Variants in CPEB2 observed in about 807,000 individuals in gnomAD.
The protein encoded by CPEB2 is cytoplasmic polyadenylation element-binding protein 2.
A neutral mutation model predicts 93.6 loss-of-function variants in CPEB2; 56 were observed. The ratio of observed to expected loss-of-function variants is 0.60; its 90% CI spans 0.48 to 0.75. The LOEUF (loss-of-function observed/expected upper bound fraction) is 0.75, where lower values mean the gene tolerates loss of function less well. CPEB2 is among the 30% of genes least tolerant of loss of function. The pLI is 0.00. For missense variants in CPEB2, 1,579 were observed against 1,395.1 expected (o/e 1.13, Z -2.10); for synonymous variants, 764 against 586.3 (o/e 1.30, Z -4.38).
At position 15,053,707 on chromosome 4, in the gene CPEB2, G is replaced by A. The variant is rs554087316; in HGVS notation, c.2372-421G>A. Reference sequence around the variant, plus strand: ...GACCCTTGTATATTTTTTCAACATTGTAGTTATTCAAGTCTTGTTTTAGCA... The same window carrying A: ...GACCCTTGTATATTTTTTCAACATTATAGTTATTCAAGTCTTGTTTTAGCA... On this transcript the variant is annotated intron_variant, in intron 7 of 11. Transcript: ENST00000538197. Among the ~76,000 whole-genome samples the A allele has an allele frequency of 2.0e-5, 3 of 152,198 alleles. No homozygotes were observed. In the East Asian group the frequency reaches 5.8e-4, roughly 29 times the overall value.
At chr4:15,059,123 C>T in intron 9 of CPEB2, 64 bp from the exon 10 acceptor site, 5 of 972,718 alleles carry the variant, frequency 5.1e-6, no homozygotes, top group Non-Finnish European at 7.8e-6. Flanking sequence ...CTGGCAAAAA[C>T]AAACAAACAG....
intron 4 of CPEB2, among the ~76,000 whole-genome samples, chr4:15,028,330 A>AT (rs34980018): frequency 0.28 from 41,299 of 149,118 alleles, 6,344 homozygotes; most frequent in Middle Eastern, 0.51. Context: ...TTGTTCTATG[A>AT]TTTTTTTTTT....
At position 15,062,249 on chromosome 4, in the gene CPEB2, A is replaced by C. The variant is rs1317321927; in HGVS notation, c.2866A>C (p.Ile956Leu). ...ARFVQLQHGD[I>L]DKRVEVKPYV... ...GTTTGTTCAGCTTCAGCATGGTGAT[A>C]TTGATAAACGTGTAAGTTGCATATT... Residue 956 changes from isoleucine to leucine, a missense_variant, in exon 11 of 12, where the codon ATT becomes CTT. This residue lies in a region of CPEB2 where 168 missense variants were observed against 339.1 expected (regional missense o/e 0.50). Coordinates refer to ENST00000538197, the MANE Select transcript of CPEB2 (RefSeq NM_001177382.2). 1 of 1,609,334 alleles carries C rather than the reference A, an allele frequency of 6.2e-7. No individual in the cohort carries two copies. Among genetic ancestry groups the C allele is most frequent in the South Asian group, 1.1e-5 (1 of 90,666 alleles).
intron 5 of CPEB2, among the ~76,000 whole-genome samples, chr4:15,036,244 CA>C (rs1481479391): frequency 1.3e-5 from 2 of 151,996 alleles, no homozygotes; most frequent in Non-Finnish European, 2.9e-5. Flanking sequence ...TTAATTTAAA[CA>C]ATAAAAAAAC....
chr4:15,031,333 G>C (rs1279128924), intron 4 of CPEB2, among the ~76,000 whole-genome samples: 1 of 151,146 alleles, frequency 6.6e-6, no homozygotes, highest in African/African-American at 2.4e-5. Flanking sequence ...GCCTTAAACT[G>C]TTCTCCAAAT....
In CPEB2 at chr4:15,003,112, C is replaced by CCCT. The variant is rs765327899; in HGVS notation, c.451_453dup (p.Ser151dup). On this transcript the variant is annotated inframe_insertion, in exon 1 of 12. Transcript: ENST00000538197. ...GGACTTCAAACCGAGTCTGCACCACCCCTCCTCCTCCTCCGCCTCCTCCTG... is the reference window on the plus strand; with the variant it reads ...GGACTTCAAACCGAGTCTGCACCACCCCTCCTCCTCCTCCTCCGCCTCCTCCTG... 13 of 1,533,132 alleles carry CCCT rather than the reference C, an allele frequency of 8.5e-6. No individual in the cohort carries two copies. The highest frequency in any genetic ancestry group is 2.5e-5 in the East Asian group (1 of 40,558). The allele number at this position is 1,533,132 out of a possible 1,614,324, so 95.0% of individuals were successfully genotyped here.
chr4:15,030,372 G>A (rs1476599586), intron 4 of CPEB2, among the ~76,000 whole-genome samples: 5 of 151,910 alleles, frequency 3.3e-5, no homozygotes, highest in African/African-American at 7.2e-5. Flanking sequence ...GTATAACCTT[G>A]GGCAACTTAC....
chr4:15,045,631 A>G (rs1461474801), intron 6 of CPEB2, among the ~76,000 whole-genome samples: 2 of 152,196 alleles, frequency 1.3e-5, no homozygotes, highest in African/African-American at 2.4e-5. Flanking sequence ...ACCTTAAACA[A>G]TGCAAAACTG....
intron 6 of CPEB2, among the ~76,000 whole-genome samples, chr4:15,051,789 G>C (rs1212619228): frequency 6.6e-6 from 1 of 152,226 alleles, no homozygotes; most frequent in Non-Finnish European, 1.5e-5. Flanking sequence ...GATTACTTCA[G>C]AGGATTGTGC....
chr4:15,030,407 G>A (rs1001954773), intron 4 of CPEB2, among the ~76,000 whole-genome samples: 3 of 152,032 alleles, frequency 2.0e-5, no homozygotes, highest in Non-Finnish European at 4.4e-5. Context: ...GTGATATAGT[G>A]TTGTCATCTT....
At chr4:15,036,030 G>A (rs1221156156) in intron 5 of CPEB2, among the ~76,000 whole-genome samples, 1 of 152,110 alleles carries the variant, frequency 6.6e-6, no homozygotes, top group African/African-American at 2.4e-5. Flanking sequence ...AGCAGTTATG[G>A]TTAATCTTTT....
intron 10 of CPEB2, among the ~76,000 whole-genome samples, chr4:15,059,511 T>C (rs2109099559): frequency 6.6e-6 from 1 of 152,272 alleles, no homozygotes; most frequent in South Asian, 2.1e-4. Flanking sequence ...TGGGTACTTA[T>C]CTATCAATAT....
intron 8 of CPEB2, among the ~76,000 whole-genome samples, chr4:15,054,574 T>A (rs192361566): frequency 1.4e-3 from 218 of 152,290 alleles, no homozygotes; most frequent in African/African-American, 4.7e-3. Context: ...GAATAAATAA[T>A]TTAGATAAAA....
chr4:15,064,926 G>GAACTC (rs1729561225), intron 11 of CPEB2, among the ~76,000 whole-genome samples: 1 of 151,980 alleles, frequency 6.6e-6, no homozygotes, highest in African/African-American at 2.4e-5. Context: ...TGACAAAAGA[G>GAACTC]AACTCATAAA....
chr4:15,070,137 A>C lies in CPEB2; in HGVS notation c.*3757A>C, dbSNP rs1416754639. 1 of 152,238 alleles carries C rather than the reference A, an allele frequency of 6.6e-6. No individual in the cohort carries two copies. Among genetic ancestry groups the C allele is most frequent in the African/African-American group, 2.4e-5 (1 of 41,420 alleles). The allele number at this position is 152,238 out of a possible 1,614,324, so 9.4% of individuals were successfully genotyped here. On this transcript the variant is annotated 3_prime_UTR_variant, in exon 12 of 12. Coordinates refer to ENST00000538197, the MANE Select transcript of CPEB2 (RefSeq NM_001177382.2). ...AATATTGTTGACTGACTAATAAACT[A>C]TTAAGTTATTGGCATAGTTGTGGAA...
At chr4:15,018,936 T>TTATATATATATATATATATATATATA (rs56945294) in intron 4 of CPEB2, among the ~76,000 whole-genome samples, 1 of 133,146 alleles carries the variant, frequency 7.5e-6, no homozygotes, top group Non-Finnish European at 1.6e-5. Context: ...AAGGGGAATT[T>TTATATATATATATATATATATATATA]TATATATATA....
At position 15,003,823 on chromosome 4, in the gene CPEB2, T is replaced by G. The variant is rs1722370481; in HGVS notation, c.1150T>G (p.Ser384Ala). The G allele has an allele frequency of 9.5e-6, 9 of 949,994 alleles. No homozygotes were observed. The highest frequency in any genetic ancestry group is 1.2e-5 in the Non-Finnish European group (9 of 737,442). 58.8% of individuals were successfully genotyped at this position (949,994 alleles called of 1,614,324 possible). ...PPLPGFGTPW[S>A]VQTASPPPQP... ...GCTGCCCGGCTTCGGCACCCCCTGGTCGGTGCAGACCGCGTCGCCGCCACC... is the reference window on the plus strand; with the variant it reads ...GCTGCCCGGCTTCGGCACCCCCTGGGCGGTGCAGACCGCGTCGCCGCCACC... Residue 384 changes from serine (S) to alanine (A), a missense_variant, in exon 1 of 12, where the codon TCG becomes GCG. By Grantham distance (99) the Ser-to-Ala change is moderately conservative (BLOSUM62 1). This residue lies in a region of CPEB2 where 1,411 missense variants were observed against 1,056.0 expected (regional missense o/e 1.34). Transcript: ENST00000538197.
In CPEB2 at chr4:15,007,513, T is replaced by G; in HGVS notation, c.1871T>G (p.Leu624Arg). The G allele has an allele frequency of 6.2e-7, 1 of 1,614,006 alleles. No homozygotes were observed. Among genetic ancestry groups the G allele is most frequent in the Non-Finnish European group, 8.5e-7 (1 of 1,179,876 alleles). The change falls in exon 2 of 12, where the codon CTG (leucine) becomes CGG (arginine). Residue 624 changes from leucine (L) to arginine (R), a missense_variant. Coordinates refer to ENST00000538197, the MANE Select transcript of CPEB2 (RefSeq NM_001177382.2). ...PPKFTRSTPS[L>R]TPKSWIEDNV... Reference sequence around the variant, plus strand: ...AAATTTACTCGCTCAACTCCATCACTGACTCCAAAATCTTGGATTGAAGAT... The same window carrying G: ...AAATTTACTCGCTCAACTCCATCACGGACTCCAAAATCTTGGATTGAAGAT...
In CPEB2 at chr4:15,040,362, A is replaced by G. The variant is rs112704893; in HGVS notation, c.2177-102A>G. ...ATTGCTCTTAAAACAAAGTAGCACT[A>G]ATTTTCAGATGCCCACATAGCTTTT... On this transcript the variant is annotated intron_variant, in intron 5 of 11. Transcript: ENST00000538197. 4.3e-3 allele frequency: 4,502 copies of G among 1,051,278 alleles called. 131 individuals are homozygous for G. In the African/African-American group the frequency reaches 0.063, roughly 15 times the overall value. 65.1% of individuals were successfully genotyped at this position (1,051,278 alleles called of 1,614,324 possible). A position where few individuals can be genotyped will look rare whatever the true frequency, so the allele number is the denominator to read the frequency against.
Sources: allele counts gnomAD v4.1 joint callset (sites outside exome capture counted in the v4.1 genomes callset), GRCh38; gene constraint gnomAD v4.1.1; regional missense constraint gnomAD v4.1.1; transcripts MANE v1.5; gene names NCBI Gene and HGNC (gene_info 2026-07-23, HGNC 2026-07-21).